The following PLCL1 variants were observed in gnomAD, a reference collection of about 807,000 sequenced individuals.
The protein encoded by PLCL1 is inactive phospholipase C-like protein 1.
Under a neutral mutation model 84.4 loss-of-function variants are expected in PLCL1, and 41 were observed. The ratio of observed to expected loss-of-function variants is 0.49; its 90% CI spans 0.38 to 0.63. The LOEUF (loss-of-function observed/expected upper bound fraction) is 0.63. PLCL1 is among the 30% of genes least tolerant of loss of function. The probability of loss-of-function intolerance (pLI) is 0.00; values close to 1 mark genes in which losing one functional copy is unlikely to be tolerated. For missense variants in PLCL1, 1,206 were observed against 1,367.8 expected (o/e 0.88, Z 1.87); for synonymous variants, 490 against 488.3 (o/e 1.00, Z -0.05).
intron 1 of PLCL1, among the ~76,000 whole-genome samples, chr2:198,047,646 T>C (rs992286090): frequency 6.6e-6 from 1 of 152,170 alleles, no homozygotes; most frequent in Non-Finnish European, 1.5e-5. Flanking sequence ...ATAAATAACA[T>C]GGCACACAGT....
Position 198,035,757 on chromosome 2 carries a change from G to A in PLCL1, c.241-48001G>A, listed in dbSNP as rs560162724. 7.2e-5 allele frequency among the ~76,000 whole-genome samples: 11 copies of A among 152,356 alleles called. No individual in the cohort carries two copies. The South Asian group carries it at 2.3e-3, about 32-fold the overall frequency. On this transcript the variant is annotated intron_variant, in intron 1 of 5. Coordinates refer to ENST00000428675, the MANE Select transcript of PLCL1 (RefSeq NM_006226.4). ...ACAAATAAATGTGTGTGGTATGGCT[G>A]GATGCGGTGGCTCACGCCTGTAATC...
rs566418425 is a variant in PLCL1 at position 197,971,838 on chromosome 2, G to A, written c.241-111920G>A. 4.6e-5 allele frequency among the ~76,000 whole-genome samples: 7 copies of A among 152,070 alleles called. No individual in the cohort carries two copies. In the South Asian group the frequency reaches 8.3e-4, roughly 18 times the overall value. On this transcript the variant is annotated intron_variant, in intron 1 of 5. Transcript: ENST00000428675. The stretch of plus-strand genomic sequence containing the variant: ...TCTGATCTAGCATTTTTTCATTTAT[G>A]GGTAACATCAGGACAAAGATTAAGA...
At chr2:197,937,341 A>G (rs768466234) in intron 1 of PLCL1, among the ~76,000 whole-genome samples, 39 of 152,192 alleles carry the variant, frequency 2.6e-4, no homozygotes, top group Non-Finnish European at 5.0e-4. Context: ...TGGGGATTGC[A>G]TTGAATCTGT....
chr2:198,103,902 C>T lies in PLCL1; in HGVS notation c.3071C>T (p.Thr1024Ile), dbSNP rs747120855. 15 of 1,605,458 alleles carry T rather than the reference C, an allele frequency of 9.3e-6. No individual in the cohort carries two copies. The highest frequency in any genetic ancestry group is 1.3e-5 in the Non-Finnish European group (15 of 1,174,602). The change falls in exon 5 of 6, where the codon ACT becomes ATT. Residue 1024 changes from threonine (T) to isoleucine (I), a missense_variant. Physicochemically the swap from Thr to Ile is moderately conservative, Grantham distance 89. Coordinates refer to ENST00000428675, the MANE Select transcript of PLCL1 (RefSeq NM_006226.4). ...GLKGRKLNKATESFAWNITVL... is the reference protein window; with the variant it reads ...GLKGRKLNKAIESFAWNITVL... ...AAGGGAAGAAAACTCAACAAAGCAA[C>T]TGAGAGCTTTGCTTGGAACATTACA...
At chr2:198,089,144 A>C in intron 3 of PLCL1, 83 bp downstream of exon 3, 1 of 963,676 alleles carries the variant, frequency 1.0e-6, no homozygotes, top group Non-Finnish European at 1.7e-6. Context: ...TGGAACTCCA[A>C]TGAATAACAC....
intron 1 of PLCL1, among the ~76,000 whole-genome samples, chr2:197,879,692 G>A (rs1687795113): frequency 6.6e-6 from 1 of 152,144 alleles, no homozygotes; most frequent in Non-Finnish European, 1.5e-5. Flanking sequence ...ATAAAGGGCT[G>A]TGCAAATTCA....
intron 1 of PLCL1, among the ~76,000 whole-genome samples, chr2:197,942,514 A>C (rs752931244): frequency 6.6e-6 from 1 of 152,232 alleles, no homozygotes; most frequent in Non-Finnish European, 1.5e-5. Flanking sequence ...TTATGAAATC[A>C]ATTTCTCCCT....
chr2:197,832,274 G>C (rs71627739), intron 1 of PLCL1, among the ~76,000 whole-genome samples: 4 of 152,020 alleles, frequency 2.6e-5, no homozygotes, highest in African/African-American at 9.6e-5. Context: ...TAATAAAGAA[G>C]AAAAGAGAGA....
intron 1 of PLCL1, among the ~76,000 whole-genome samples, chr2:197,915,750 G>A (rs895576372): frequency 1.3e-5 from 2 of 152,112 alleles, no homozygotes; most frequent in Non-Finnish European, 2.9e-5. Context: ...GTGTGATAAG[G>A]TGATGATTTC....
intron 1 of PLCL1, among the ~76,000 whole-genome samples, chr2:197,947,237 A>ATATATATATATAT (rs1689294732): frequency 6.3e-5 from 9 of 142,750 alleles, no homozygotes; most frequent in African/African-American, 2.3e-4. Context: ...TGCTTAGATA[A>ATATATATATATAT]ATATATATAT....
intron 1 of PLCL1, among the ~76,000 whole-genome samples, chr2:197,894,604 A>C (rs900832093): frequency 3.7e-4 from 56 of 152,108 alleles, no homozygotes; most frequent in Middle Eastern, 3.4e-3. Context: ...TAAATTAGTT[A>C]AGAATTGGAA....
intron 1 of PLCL1, among the ~76,000 whole-genome samples, chr2:197,820,414 G>A (rs1424147774): frequency 2.0e-5 from 3 of 152,116 alleles, no homozygotes; most frequent in Admixed American, 1.3e-4. Flanking sequence ...GTATGGCAGT[G>A]TAAGATATTA....
At chr2:197,980,601 A>T (rs1481886396) in intron 1 of PLCL1, among the ~76,000 whole-genome samples, 1 of 152,186 alleles carries the variant, frequency 6.6e-6, no homozygotes, top group African/African-American at 2.4e-5. Context: ...GAATATTGAA[A>T]TTGATCCATT....
intron 1 of PLCL1, among the ~76,000 whole-genome samples, chr2:198,024,329 T>C: frequency 6.6e-6 from 1 of 152,104 alleles, no homozygotes; most frequent in East Asian, 1.9e-4. Context: ...CTAGCCACCA[T>C]GGCACATATA....
intron 1 of PLCL1, among the ~76,000 whole-genome samples, chr2:197,834,773 A>T (rs1691147441): frequency 6.6e-6 from 1 of 152,204 alleles, no homozygotes; most frequent in African/African-American, 2.4e-5. Context: ...CAGAAATACC[A>T]TTTGACCCAG....
At chr2:197,922,601 G>A (rs1688725922) in intron 1 of PLCL1, among the ~76,000 whole-genome samples, 1 of 138,688 alleles carries the variant, frequency 7.2e-6, no homozygotes, top group Non-Finnish European at 1.6e-5. Context: ...GGGCAGAGGC[G>A]CCCCTCACCT....
intron 1 of PLCL1, among the ~76,000 whole-genome samples, chr2:197,818,133 G>A (rs1264761730): frequency 6.6e-6 from 1 of 152,052 alleles, no homozygotes; most frequent in African/African-American, 2.4e-5. Context: ...CTTCATGGTG[G>A]CACCTTCAGT....
chr2:197,998,336 C>T (rs892336509), intron 1 of PLCL1, among the ~76,000 whole-genome samples: 1 of 151,958 alleles, frequency 6.6e-6, no homozygotes, highest in Non-Finnish European at 1.5e-5. Flanking sequence ...ATGCAATATT[C>T]TCAACTAACA....
intron 1 of PLCL1, among the ~76,000 whole-genome samples, chr2:197,997,563 C>G (rs1272999961): frequency 6.6e-6 from 1 of 152,194 alleles, no homozygotes; most frequent in Admixed American, 6.5e-5. Context: ...TTTCATGGCC[C>G]TGCACGCACT....
Sources: allele counts gnomAD v4.1 joint callset (sites outside exome capture counted in the v4.1 genomes callset), GRCh38; gene constraint gnomAD v4.1.1; transcripts MANE v1.5; gene names NCBI Gene and HGNC (gene_info 2026-07-23, HGNC 2026-07-21).